Variants in PPP1R37 observed in about 807,000 individuals in gnomAD.
PPP1R37 encodes leucine rich repeat containing 68.
Under a neutral mutation model 61.0 loss-of-function variants are expected in PPP1R37, and 21 were observed. The observed-to-expected ratio is 0.34, with a 90% CI of 0.24 to 0.50. The LOEUF is 0.50. Ranked by LOEUF, PPP1R37 falls within the 20% of genes least tolerant of loss-of-function variation. The pLI, the probability that PPP1R37 is intolerant of heterozygous loss-of-function variation, is 0.98. For synonymous variants in PPP1R37, 443 were observed against 433.5 expected, an observed-to-expected ratio of 1.02 and a Z score of -0.27; for missense variants, 910 against 952.7, an observed-to-expected ratio of 0.96 and a Z score of 0.59.
In PPP1R37 at chr19:45,144,855, C is replaced by T. The variant is rs754433838; in HGVS notation, c.989C>T (p.Pro330Leu). 1.9e-5 allele frequency: 29 copies of T among 1,529,630 alleles called. No individual in the cohort carries two copies. The highest frequency in any genetic ancestry group is 2.5e-5 in the Non-Finnish European group (29 of 1,143,342). 94.8% of individuals were successfully genotyped at this position (1,529,630 alleles called of 1,614,324 possible). Residue 330 changes from proline (P) to leucine (L), a missense_variant and splice_region_variant, in exon 9 of 13, where the codon CCG becomes CTG. Coordinates refer to ENST00000221462, the MANE Select transcript of PPP1R37 (RefSeq NM_019121.2). ...TGMAFLGMTL[P>L]HTQSLETLNL... is the part of the protein sequence containing the mutation. Reference sequence around the variant, plus strand: ...CACCCTCACACCCCCTCCCTCCAGCCGCACACTCAGAGCCTGGAGACGCTG... The same window carrying T: ...CACCCTCACACCCCCTCCCTCCAGCTGCACACTCAGAGCCTGGAGACGCTG...
At chr19:45,107,523 G>C (rs960165899) in intron 1 of PPP1R37, among the ~76,000 whole-genome samples, 50 of 152,288 alleles carry the variant, frequency 3.3e-4, no homozygotes, top group African/African-American at 1.2e-3. Flanking sequence ...AGGATTGCTT[G>C]AGCCCAGGAG....
chr19:45,127,475 C>T (rs914013014), intron 1 of PPP1R37, among the ~76,000 whole-genome samples: 2 of 151,824 alleles, frequency 1.3e-5, no homozygotes, highest in Admixed American at 6.6e-5. Flanking sequence ...TGAGTACCCT[C>T]GGCAAGTGTA....
At position 45,142,211 on chromosome 19, in the gene PPP1R37, G is replaced by A. The variant is rs1188088253; in HGVS notation, c.718G>A (p.Ala240Thr). The A allele has an allele frequency of 8.5e-6, 13 of 1,533,884 alleles. No homozygotes were observed. The highest frequency in any genetic ancestry group is 1.2e-5 in the South Asian group (1 of 83,760). ...SLSGRPLMLL[A>T]TALKMNMNLR... is the part of the protein sequence containing the mutation. ...GTCGGGGCGGCCCCTCATGCTGCTCGGTGAGCCCCAAGCCCGGGAGGGTGA... is the reference window on the plus strand; with the variant it reads ...GTCGGGGCGGCCCCTCATGCTGCTCAGTGAGCCCCAAGCCCGGGAGGGTGA... Residue 240 changes from alanine to threonine, a missense_variant and splice_region_variant, in exon 6 of 13, where the codon GCC (alanine) becomes ACC (threonine). Transcript: ENST00000221462.
In PPP1R37 at chr19:45,145,786, C is replaced by T. The variant is rs944790641; in HGVS notation, c.1730C>T (p.Pro577Leu). The T allele has an allele frequency of 2.1e-5, 32 of 1,507,958 alleles. No homozygotes were observed. The highest frequency in any genetic ancestry group is 1.1e-4 in the African/African-American group (8 of 72,484). The allele number at this position is 1,507,958 out of a possible 1,614,324, so 93.4% of individuals were successfully genotyped here. A position where few individuals can be genotyped will look rare whatever the true frequency, so the allele number is the denominator to read the frequency against. ...KVFVVTRVES[P>L]PERAEPPASP... ...TTTGTGGTGACCCGGGTGGAGAGCC[C>T]GCCCGAGAGGGCAGAGCCCCCTGCG... Residue 577 changes from proline to leucine, a missense_variant, in exon 11 of 13, where the codon CCG becomes CTG. Coordinates refer to ENST00000221462, the MANE Select transcript of PPP1R37 (RefSeq NM_019121.2).
chr19:45,145,233 C>T lies in PPP1R37; in HGVS notation c.1269C>T (p.Asp423=). The T allele has an allele frequency of 6.5e-7, 1 of 1,534,058 alleles. No individual in the cohort carries two copies. Among genetic ancestry groups the T allele is most frequent in the Non-Finnish European group, 8.7e-7 (1 of 1,145,898 alleles). The change falls in exon 10 of 13, where the codon GAC becomes GAT. Residue 423 remains aspartate (D), a synonymous_variant. Coordinates refer to ENST00000221462, the MANE Select transcript of PPP1R37 (RefSeq NM_019121.2). Reference sequence around the variant, plus strand: ...TGAACCACTCACTGCTGCGCCTGGACCTCGACCGTGAACCCAAGAAAGAGG... The same window carrying T: ...TGAACCACTCACTGCTGCGCCTGGATCTCGACCGTGAACCCAAGAAAGAGG... ...LKVNHSLLRL[D]LDREPKKEAV... is the part of the protein sequence containing the mutation.
chr19:45,128,917 G>A (rs1968442523), intron 1 of PPP1R37: 3 of 715,876 alleles, frequency 4.2e-6, no homozygotes, highest in Non-Finnish European at 7.6e-6. Flanking sequence ...GTCTGCCAGA[G>A]GAGACCTTGG....
chr19:45,144,983 C>G lies in PPP1R37; in HGVS notation c.1117C>G (p.Leu373Val), dbSNP rs577037126. The change falls in exon 9 of 13, where the codon CTC (leucine) becomes GTC (valine). Residue 373 changes from leucine (L) to valine (V), a missense_variant. Transcript: ENST00000221462. ...GCGCCTCGGGCTGGCCTCCACCAAG[C>G]TCACGTGCGAGGGTAGGGTACGGGG... is the stretch of plus-strand genomic sequence containing the variant. ...VLRLGLASTK[L>V]TCEGAVAVAE... 17 of 1,534,870 alleles carry G rather than the reference C, an allele frequency of 1.1e-5. No individual in the cohort carries two copies. In the African/African-American group the frequency reaches 2.3e-4, roughly 21 times the overall value.
rs1267030037 is a variant in PPP1R37 at position 45,145,919 on chromosome 19, G to A, written c.1863G>A (p.Gln621=). Residue 621 remains glutamine, a synonymous_variant, in exon 11 of 13, where the codon CAG becomes CAA. Transcript: ENST00000221462. ...DTRDTGSSEP[Q]PPPEPPRSGP... The stretch of plus-strand genomic sequence containing the variant: ...GGGACACAGGGTCCTCTGAGCCTCA[G>A]CCACCACCGGAGCCGCCTCGGTCAG... 6.5e-7 allele frequency: 1 copy of A among 1,533,860 alleles called. No individual in the cohort carries two copies. The highest frequency in any genetic ancestry group is 8.7e-7 in the Non-Finnish European group (1 of 1,146,250).
chr19:45,131,619 G>A lies in PPP1R37; in HGVS notation c.203-6895G>A, dbSNP rs913184862. 4.6e-5 allele frequency among the ~76,000 whole-genome samples: 7 copies of A among 152,346 alleles called. No individual in the cohort carries two copies. The East Asian group carries it at 7.7e-4, about 17-fold the overall frequency. ...AAAGTACTTAGGAGCTGGGTGAGGC[G>A]GCTCACGCCTGTAATTCCAGCACTT... On this transcript the variant is annotated intron_variant, in intron 1 of 12. Transcript: ENST00000221462.
At chr19:45,098,728 C>T (rs939642265) in intron 1 of PPP1R37, among the ~76,000 whole-genome samples, 3 of 152,152 alleles carry the variant, frequency 2.0e-5, no homozygotes, top group Non-Finnish European at 4.4e-5. Context: ...AGATTCAGTC[C>T]TAAAAGCAGG....
intron 1 of PPP1R37, among the ~76,000 whole-genome samples, chr19:45,115,140 G>T (rs1968249764): frequency 6.6e-6 from 1 of 152,194 alleles, no homozygotes; most frequent in Non-Finnish European, 1.5e-5. Flanking sequence ...CAGGCTTATT[G>T]TCCAGAGAGA....
At position 45,147,240 on chromosome 19, in the gene PPP1R37, A is replaced by G. The variant is rs1968716416; in HGVS notation, c.*678A>G. 6.6e-6 allele frequency: 1 copy of G among 151,572 alleles called. No homozygotes were observed. Among genetic ancestry groups the G allele is most frequent in the African/African-American group, 2.4e-5 (1 of 41,136 alleles). 9.4% of individuals were successfully genotyped at this position (151,572 alleles called of 1,614,324 possible). A position where few individuals can be genotyped will look rare whatever the true frequency, so the allele number is the denominator to read the frequency against. ...GGCTGGGGCTACTCCTGTCGGTGCA[A>G]CTCTGTTCACACCTTTTCTAATAAA... On this transcript the variant is annotated 3_prime_UTR_variant, in exon 13 of 13. Coordinates refer to ENST00000221462, the MANE Select transcript of PPP1R37 (RefSeq NM_019121.2).
At position 45,140,500 on chromosome 19, in the gene PPP1R37, C is replaced by T; in HGVS notation, c.347-6C>T. On this transcript the variant is annotated splice_region_variant and splice_polypyrimidine_tract_variant and intron_variant, in intron 3 of 12. Transcript: ENST00000221462. ...AGACATGCGCACGGCTGCTGTCTCC[C>T]CCCAGGTGAGAAGCTTGACTACAAG... 6.5e-7 allele frequency: 1 copy of T among 1,534,344 alleles called. No individual in the cohort carries two copies. Among genetic ancestry groups the T allele is most frequent in the Non-Finnish European group, 8.7e-7 (1 of 1,145,326 alleles).
rs1259847979 is a variant in PPP1R37 at position 45,121,740 on chromosome 19, G to C, written c.203-16774G>C. Among the ~76,000 whole-genome samples the C allele has an allele frequency of 1.3e-5, 2 of 152,214 alleles. No individual in the cohort carries two copies. Among genetic ancestry groups the C allele is most frequent in the African/African-American group, 4.8e-5 (2 of 41,448 alleles). On this transcript the variant is annotated intron_variant, in intron 1 of 12. Coordinates refer to ENST00000221462, the MANE Select transcript of PPP1R37 (RefSeq NM_019121.2). The surrounding 1 kb of genome is among the most constrained non-coding windows in gnomAD (Gnocchi z 4.2). ...GGGGCCTCCACGGGCGTCATTCTGT[G>C]GTTGCTCCAGGATTGGACTTAGAAA... is the stretch of plus-strand genomic sequence containing the variant.
chr19:45,140,317 C>T (rs1968593945), intron 3 of PPP1R37, 36 bp downstream of exon 3: 3 of 1,530,276 alleles, frequency 2.0e-6, no homozygotes, highest in East Asian at 4.9e-5. Flanking sequence ...GCCCTTGGGT[C>T]ATGGGCAGGT....
intron 1 of PPP1R37, among the ~76,000 whole-genome samples, chr19:45,124,789 G>C (rs955543173): frequency 7.0e-6 from 1 of 143,682 alleles, no homozygotes; most frequent in Non-Finnish European, 1.5e-5. Context: ...ACTGAGACCC[G>C]GTCTCTACAT....
rs986761769 is a variant in PPP1R37, at chr19:45,093,303, C to T, written c.-23C>T. On this transcript the variant is annotated 5_prime_UTR_variant, in exon 1 of 13. Coordinates refer to ENST00000221462, the MANE Select transcript of PPP1R37 (RefSeq NM_019121.2). ...GGGCCCGGGGCATGTCCCCGGGGCC[C>T]CCGTGAGGAGGCGGCGGCGGCTATG... 2 of 1,397,768 alleles carry T rather than the reference C, an allele frequency of 1.4e-6. No homozygotes were observed. Among genetic ancestry groups the T allele is most frequent in the African/African-American group, 1.5e-5 (1 of 65,602 alleles). 86.6% of individuals were successfully genotyped at this position (1,397,768 alleles called of 1,614,324 possible). A position where few individuals can be genotyped will look rare whatever the true frequency, so the allele number is the denominator to read the frequency against.
intron 3 of PPP1R37, 75 bp from the exon 4 acceptor site, chr19:45,140,431 T>TGGTG (rs2122753376): frequency 1.8e-5 from 7 of 383,488 alleles, no homozygotes; most frequent in East Asian, 8.5e-5. Context: ...GGTGGGAGGT[T>TGGTG]GGGGGCAGAG....
chr19:45,145,524 G>A lies in PPP1R37; in HGVS notation c.1468G>A (p.Ala490Thr), dbSNP rs1415199385. ...GCCCCAGCCCGACGACGAGCCCGCCGCTGGGGTGCAGAACGGGGCCCCCAG... is the reference window on the plus strand; with the variant it reads ...GCCCCAGCCCGACGACGAGCCCGCCACTGGGGTGCAGAACGGGGCCCCCAG... ...TEPQPDDEPA[A>T]GVQNGAPSPA... Residue 490 changes from alanine (A) to threonine (T), a missense_variant, in exon 11 of 13, where the codon GCT becomes ACT. Coordinates refer to ENST00000221462, the MANE Select transcript of PPP1R37 (RefSeq NM_019121.2). 4.6e-6 allele frequency: 7 copies of A among 1,534,052 alleles called. No homozygotes were observed. In the Middle Eastern group the frequency reaches 5.1e-4, roughly 113 times the overall value.
Sources: gnomAD v4.1 joint callset for allele counts (sites outside exome capture counted in the v4.1 genomes callset) on GRCh38, gnomAD v4.1.1 for gene constraint, Gnocchi (gnomAD v3.1) non-coding constraint, MANE v1.5 for transcripts, NCBI Gene and HGNC (gene_info 2026-07-23, HGNC 2026-07-21) for gene names.